The following GUCY2C variants were observed in gnomAD, a reference collection of about 807,000 sequenced individuals.
GUCY2C encodes the protein guanylate cyclase 2C, also known as guanylyl cyclase C.
In GUCY2C, 118 loss-of-function variants were observed where a neutral mutation model predicts 131.1. That is an observed-to-expected ratio of 0.90 (90% CI 0.78 to 1.05). The LOEUF is 1.05. Among genes scored for constraint, GUCY2C ranks in the 50% least tolerant of loss-of-function variants. GUCY2C has a pLI of 0.00. For synonymous variants in GUCY2C, 452 were observed against 457.8 expected (o/e 0.99, Z 0.16); for missense variants, 1,161 against 1,304.4 (o/e 0.89, Z 1.69).
chr12:14,679,920 TAG>T (rs1948314737), intron 5 of GUCY2C, among the ~76,000 whole-genome samples, 167 bp from the exon 6 acceptor site: 1 of 151,670 alleles, frequency 6.6e-6, no homozygotes, highest in South Asian at 2.1e-4. Context: ...TTTACAATTA[TAG>T]AGTCAGAATA....
At chr12:14,630,066 C>T (rs1947106896) in intron 19 of GUCY2C, among the ~76,000 whole-genome samples, 1 of 150,322 alleles carries the variant, frequency 6.7e-6, no homozygotes, top group Non-Finnish European at 1.5e-5. Flanking sequence ...GGAGGAAGCC[C>T]AACTGCTCAT....
intron 10 of GUCY2C, among the ~76,000 whole-genome samples, chr12:14,663,585 G>A (rs1947912409): frequency 6.6e-6 from 1 of 152,136 alleles, no homozygotes; most frequent in Non-Finnish European, 1.5e-5. Flanking sequence ...GCCCAGCCAT[G>A]TGTGAATTTT....
chr12:14,653,697 C>A (rs1445403680), intron 12 of GUCY2C, among the ~76,000 whole-genome samples: 5 of 152,140 alleles, frequency 3.3e-5, no homozygotes, highest in African/African-American at 1.2e-4. Flanking sequence ...ACAATTGCAT[C>A]TTTTGATGTG....
At chr12:14,629,003 T>C (rs1023084757) in intron 19 of GUCY2C, among the ~76,000 whole-genome samples, 2 of 152,158 alleles carry the variant, frequency 1.3e-5, no homozygotes, top group Non-Finnish European at 2.9e-5. Flanking sequence ...GGAGACTAAG[T>C]GAATTTACAA....
chr12:14,659,734 T>G (rs2137051539), intron 11 of GUCY2C, among the ~76,000 whole-genome samples: 1 of 152,276 alleles, frequency 6.6e-6, no homozygotes, highest in Admixed American at 6.5e-5. Context: ...CATACTGAAT[T>G]AGGGGATTTC....
chr12:14,643,667 C>T lies in GUCY2C; in HGVS notation c.1837G>A (p.Gly613Ser), dbSNP rs1947454591. 1 of 1,613,142 alleles carries T rather than the reference C, an allele frequency of 6.2e-7. No homozygotes were observed. The highest frequency in any genetic ancestry group is 1.7e-5 in the Admixed American group (1 of 60,006). ...YLHSSKTEVH[G>S]RLKSTNCVVD... ...ACGCAGTTGGTAGATTTCAGACGAC[C>T]ATGGACTTCTGTCTTACTGGAGTGC... Residue 613 changes from glycine to serine, a missense_variant, in exon 17 of 27, where the codon GGT becomes AGT. Physicochemically the swap from Gly to Ser is moderately conservative, Grantham distance 56. Coordinates refer to ENST00000261170, the MANE Select transcript of GUCY2C (RefSeq NM_004963.4).
At chr12:14,655,470 G>T (rs1487304243) in intron 12 of GUCY2C, among the ~76,000 whole-genome samples, 2 of 152,182 alleles carry the variant, frequency 1.3e-5, no homozygotes, top group Non-Finnish European at 2.9e-5. Flanking sequence ...GACATGAGGG[G>T]ATTGGAGCCA....
intron 24 of GUCY2C, among the ~76,000 whole-genome samples, chr12:14,618,353 A>C (rs955296156): frequency 6.6e-6 from 1 of 152,052 alleles, no homozygotes; most frequent in African/African-American, 2.4e-5. Flanking sequence ...CCTCTACAGA[A>C]AAAATTAAAA....
At chr12:14,693,352 C>T (rs931279540) in intron 1 of GUCY2C, among the ~76,000 whole-genome samples, 1 of 152,122 alleles carries the variant, frequency 6.6e-6, no homozygotes, top group Non-Finnish European at 1.5e-5. Context: ...TGTGATTAGC[C>T]TTGGAACCAT....
chr12:14,632,112 A>G (rs1158727406), intron 19 of GUCY2C, among the ~76,000 whole-genome samples: 3 of 152,128 alleles, frequency 2.0e-5, no homozygotes, highest in African/African-American at 7.2e-5. Context: ...AGGTCATTGT[A>G]GATTCTGGAT....
intron 23 of GUCY2C, among the ~76,000 whole-genome samples, chr12:14,620,452 G>T (rs1401727027): frequency 6.6e-6 from 1 of 152,104 alleles, no homozygotes; most frequent in Admixed American, 6.6e-5. Flanking sequence ...GGTTTTAAGG[G>T]CCATCTGATT....
chr12:14,621,007 T>C (rs1946884603), intron 23 of GUCY2C, 35 bp downstream of exon 23: 2 of 1,566,204 alleles, frequency 1.3e-6, no homozygotes, highest in South Asian at 1.1e-5. Context: ...GCAGTACATA[T>C]GGTTCCCAAT....
chr12:14,660,657 C>A (rs1947850248), intron 11 of GUCY2C, among the ~76,000 whole-genome samples: 1 of 152,178 alleles, frequency 6.6e-6, no homozygotes, highest in African/African-American at 2.4e-5. Flanking sequence ...TGTTCCATTT[C>A]TAATCCTTAC....
At chr12:14,660,930 C>T (rs1028452125) in intron 11 of GUCY2C, 51 bp downstream of exon 11, 26 of 1,184,062 alleles carry the variant, frequency 2.2e-5, no homozygotes, top group Non-Finnish European at 3.0e-5. Context: ...TCCCACTTTC[C>T]CTTCCTGCCT....
In GUCY2C at chr12:14,696,532, G is replaced by A; in HGVS notation, c.-84C>T. ...CCTAGGGAGGCAGGGAATCCAGATG[G>A]ACAGCCTCTAGTGGAGTCCCTCAGC... On this transcript the variant is annotated 5_prime_UTR_variant, in exon 1 of 27. Coordinates refer to ENST00000261170, the MANE Select transcript of GUCY2C (RefSeq NM_004963.4). 1 of 1,016,898 alleles carries A rather than the reference G, an allele frequency of 9.8e-7. No homozygotes were observed. The allele number at this position is 1,016,898 out of a possible 1,614,324, so 63.0% of individuals were successfully genotyped here. A position where few individuals can be genotyped will look rare whatever the true frequency, so the allele number is the denominator to read the frequency against.
chr12:14,651,335 G>A (rs933101312), intron 15 of GUCY2C, 72 bp downstream of exon 15: 43 of 775,696 alleles, frequency 5.5e-5, no homozygotes, highest in Non-Finnish European at 7.1e-5. Context: ...TATTTTACTC[G>A]GTAAATATTT....
At position 14,628,743 on chromosome 12, in the gene GUCY2C, A is replaced by AT; in HGVS notation, c.2158-7_2158-6insA. ...TTTTTTACAAGTAGGTACACCTGGA[A>AT]GAAAAAAAAACGGGCAAATTAGCTA... On this transcript the variant is annotated splice_region_variant and splice_polypyrimidine_tract_variant and intron_variant, in intron 19 of 26. Transcript: ENST00000261170. 7.0e-7 allele frequency: 1 copy of AT among 1,424,428 alleles called. No individual in the cohort carries two copies. Among genetic ancestry groups the AT allele is most frequent in the Non-Finnish European group, 9.7e-7 (1 of 1,035,518 alleles). 88.2% of individuals were successfully genotyped at this position (1,424,428 alleles called of 1,614,324 possible). A position where few individuals can be genotyped will look rare whatever the true frequency, so the allele number is the denominator to read the frequency against.
intron 1 of GUCY2C, among the ~76,000 whole-genome samples, chr12:14,695,351 T>C (rs1016759472): frequency 2.0e-5 from 3 of 151,842 alleles, no homozygotes; most frequent in Admixed American, 6.6e-5. Context: ...CAACAATGAA[T>C]TTGATTGCAA....
At chr12:14,673,911 G>A (rs747900371) in intron 8 of GUCY2C, among the ~76,000 whole-genome samples, 2 of 152,106 alleles carry the variant, frequency 1.3e-5, no homozygotes, top group African/African-American at 2.4e-5. Flanking sequence ...ATAGCCCCTG[G>A]TGCAGCCCTC....
Sources: allele counts gnomAD v4.1 joint callset (sites outside exome capture counted in the v4.1 genomes callset), GRCh38; gene constraint gnomAD v4.1.1; transcripts MANE v1.5; gene names NCBI Gene and HGNC (gene_info 2026-07-23, HGNC 2026-07-21).